Variants in PDE12 observed in about 807,000 individuals in gnomAD.
The protein encoded by PDE12 is 2',5'-phosphodiesterase 12.
In PDE12, 26 loss-of-function variants were observed where a neutral mutation model predicts 45.4. The observed-to-expected ratio is 0.57, with a 90% CI of 0.42 to 0.79. The LOEUF is 0.79. Ranked by LOEUF, PDE12 falls within the 30% of genes least tolerant of loss-of-function variation. PDE12 has a pLI of 0.00. For synonymous variants in PDE12, 283 were observed against 323.9 expected, an observed-to-expected ratio of 0.87 and a Z score of 1.36; for missense variants, 668 against 790.0, an observed-to-expected ratio of 0.85 and a Z score of 1.85.
the PDE12 span, among the ~76,000 whole-genome samples, chr3:57,610,287 G>T: frequency 6.6e-6 from 1 of 152,112 alleles, no homozygotes; most frequent in African/African-American, 2.4e-5. Context: ...CATCCTGAAT[G>T]GGCAAAAACT....
chr3:57,614,604 C>A, the PDE12 span, among the ~76,000 whole-genome samples: 1 of 137,300 alleles, frequency 7.3e-6, no homozygotes, highest in African/African-American at 2.7e-5. Context: ...AGTGCAGTGG[C>A]GCGATCTCGG....
At chr3:57,640,603 T>G in the PDE12 span, among the ~76,000 whole-genome samples, 1 of 152,182 alleles carries the variant, frequency 6.6e-6, no homozygotes. Context: ...TAGTACATTA[T>G]AAAGTTATTA....
chr3:57,596,877 T>G, the PDE12 span: 1 of 595,180 alleles, frequency 1.7e-6, no homozygotes, highest in Non-Finnish European at 3.0e-6. Flanking sequence ...CCCTGTCTCG[T>G]CTGGCGACAG....
chr3:57,616,207 C>G, the PDE12 span, among the ~76,000 whole-genome samples: 1 of 152,018 alleles, frequency 6.6e-6, no homozygotes, highest in Non-Finnish European at 1.5e-5. Context: ...AGCTGTACTC[C>G]CAGCTACTCA....
At chr3:57,634,620 C>T in the PDE12 span, 1 of 1,484,106 alleles carries the variant, frequency 6.7e-7, no homozygotes, top group African/African-American at 1.4e-5. Flanking sequence ...GAAGTATAAA[C>T]TCCTAAGAGC....
chr3:57,561,258 G>A lies in PDE12; in HGVS notation c.*1254G>A. The A allele has an allele frequency of 1.0e-6, 1 of 985,590 alleles. No homozygotes were observed. The highest frequency in any genetic ancestry group is 1.2e-6 in the Non-Finnish European group (1 of 829,760). The allele number at this position is 985,590 out of a possible 1,614,324, so 61.1% of individuals were successfully genotyped here. ...CTACTGATATGGGCTTGAAATTTTG[G>A]ATGAATCATTGAGCATTTCTACACT... is the stretch of plus-strand genomic sequence containing the variant. On this transcript the variant is annotated 3_prime_UTR_variant, in exon 3 of 3. Transcript: ENST00000311180.
the PDE12 span, among the ~76,000 whole-genome samples, chr3:57,603,612 C>T: frequency 6.6e-5 from 10 of 150,570 alleles, no homozygotes; most frequent in African/African-American, 9.8e-5. Context: ...CCACCATGGC[C>T]GGCCAGAAAT....
the PDE12 span, among the ~76,000 whole-genome samples, chr3:57,632,341 T>A: frequency 6.6e-6 from 1 of 151,738 alleles, no homozygotes; most frequent in Non-Finnish European, 1.5e-5. Flanking sequence ...TTTTTTTTTT[T>A]AAGAGAGTCT....
rs1161401840 is a variant in PDE12, at chr3:57,556,498, T to C, written c.119T>C (p.Val40Ala). The C allele has an allele frequency of 6.2e-7, 1 of 1,613,300 alleles. No individual in the cohort carries two copies. Among genetic ancestry groups the C allele is most frequent in the East Asian group, 2.2e-5 (1 of 44,852 alleles). ...TAAGAMERAV[V>A]RCVPSEPKLS... ...GCGGGAGCGATGGAGCGCGCTGTAG[T>C]GCGCTGCGTACCTTCGGAACCCAAG... The change falls in exon 1 of 3, where the codon GTG becomes GCG. Residue 40 changes from valine to alanine, a missense_variant. By Grantham distance (64) the Val-to-Ala change is moderately conservative. Around this residue, in one of 3 missense-constraint regions of PDE12, gnomAD observed 580 missense variants for 662.9 expected, o/e 0.87. Transcript: ENST00000311180. This position sits in a 1 kb window ranked among gnomAD's most constrained non-coding sequence, Gnocchi z 5.0.
the PDE12 span, among the ~76,000 whole-genome samples, chr3:57,614,544 G>GTTTT: frequency 2.5e-5 from 3 of 121,316 alleles, no homozygotes; most frequent in Admixed American, 8.8e-5. Flanking sequence ...TTTGTTTTTT[G>GTTTT]TTTTTTTTTT....
downstream of PDE12, among the ~76,000 whole-genome samples, chr3:57,570,225 T>G (rs2069825058): frequency 7.1e-6 from 1 of 141,812 alleles, no homozygotes; most frequent in Non-Finnish European, 1.5e-5. Flanking sequence ...CAGTGTTTTT[T>G]TTTTTTTTTT....
At chr3:57,587,684 CAT>C in the PDE12 span, among the ~76,000 whole-genome samples, 1 of 151,994 alleles carries the variant, frequency 6.6e-6, no homozygotes, top group Non-Finnish European at 1.5e-5. Flanking sequence ...TTTACATACT[CAT>C]TTTACTTTTT....
At chr3:57,648,167 G>A in the PDE12 span, among the ~76,000 whole-genome samples, 3 of 152,046 alleles carry the variant, frequency 2.0e-5, no homozygotes, top group Admixed American at 6.6e-5. Context: ...CAAAGTTTCC[G>A]AATACAAAAT....
chr3:57,631,091 G>A, the PDE12 span: 8 of 836,752 alleles, frequency 9.6e-6, no homozygotes, highest in Non-Finnish European at 1.5e-5. Flanking sequence ...TCAATGGACA[G>A]CAACAACTCC....
chr3:57,603,813 G>GT, the PDE12 span, among the ~76,000 whole-genome samples: 3 of 151,838 alleles, frequency 2.0e-5, no homozygotes, highest in Admixed American at 6.6e-5. Context: ...GTAGAGATGG[G>GT]TTTTCTCCAT....
At chr3:57,580,620 C>A in the PDE12 span, among the ~76,000 whole-genome samples, 19 of 151,912 alleles carry the variant, frequency 1.3e-4, no homozygotes, top group Admixed American at 4.6e-4. Context: ...GTTGCCTGGA[C>A]TGGCCTCAAG....
At chr3:57,628,216 A>G in the PDE12 span, 1 of 1,611,096 alleles carries the variant, frequency 6.2e-7, no homozygotes, top group Admixed American at 1.7e-5. Flanking sequence ...GGCAAATATC[A>G]TGTCATGCCC....
At chr3:57,586,577 G>C in the PDE12 span, among the ~76,000 whole-genome samples, 1 of 152,060 alleles carries the variant, frequency 6.6e-6, no homozygotes, top group Non-Finnish European at 1.5e-5. Context: ...TTCGTACTCG[G>C]ATACAGGTTT....
the PDE12 span, chr3:57,600,697 C>T: frequency 0.16 from 24,633 of 152,026 alleles, 2,675 homozygotes; most frequent in East Asian, 0.48. Context: ...TGTGAGCCAC[C>T]GTGCCCAGAC....
Sources: allele counts gnomAD v4.1 joint callset (sites outside exome capture counted in the v4.1 genomes callset), GRCh38; gene constraint gnomAD v4.1.1; regional missense constraint gnomAD v4.1.1; non-coding constraint Gnocchi (gnomAD v3.1); transcripts MANE v1.5; gene names NCBI Gene and HGNC (gene_info 2026-07-23, HGNC 2026-07-21).